PLXNC1: variants seen among roughly 807,000 people sequenced by gnomAD.
PLXNC1 encodes the protein plexin C1, also known as plexin-C1.
Under a neutral mutation model 178.2 loss-of-function variants are expected in PLXNC1, and 75 were observed. That is an observed-to-expected ratio of 0.42 (90% confidence interval 0.35 to 0.51). The LOEUF (loss-of-function observed/expected upper bound fraction) is 0.51, where lower values mean the gene tolerates loss of function less well. PLXNC1 is among the 20% of genes least tolerant of loss of function. The probability of loss-of-function intolerance (pLI) is 0.02; values close to 1 mark genes in which losing one functional copy is unlikely to be tolerated. For synonymous variants in PLXNC1, 790 were observed against 779.9 expected (o/e 1.01, Z -0.22); for missense variants, 1,503 against 1,984.4 (o/e 0.76, Z 4.61).
intron 28 of PLXNC1, among the ~76,000 whole-genome samples, chr12:94,303,518 T>TA (rs1478938614): frequency 6.6e-6 from 1 of 152,124 alleles, no homozygotes; most frequent in East Asian, 1.9e-4. Flanking sequence ...GAAGGCAGAA[T>TA]ATATTAGCAT....
intron 1 of PLXNC1, among the ~76,000 whole-genome samples, chr12:94,167,540 A>G (rs1961662308): frequency 6.6e-6 from 1 of 152,234 alleles, no homozygotes; most frequent in African/African-American, 2.4e-5. Flanking sequence ...TTTTAAAGCA[A>G]GATGTGTGGC....
In PLXNC1 at chr12:94,306,468, C is replaced by CTGATTTTTTAATTCCTG. The variant is rs1222311727; in HGVS notation, c.*1184_*1200dup. 6.6e-6 allele frequency: 1 copy of CTGATTTTTTAATTCCTG among 152,076 alleles called. No homozygotes were observed. The highest frequency in any genetic ancestry group is 1.5e-5 in the Non-Finnish European group (1 of 68,006). The allele number at this position is 152,076 out of a possible 1,614,324, so 9.4% of individuals were successfully genotyped here. A position where few individuals can be genotyped will look rare whatever the true frequency, so the allele number is the denominator to read the frequency against. On this transcript the variant is annotated 3_prime_UTR_variant, in exon 31 of 31. Transcript: ENST00000258526. ...CAGTTATACTGTAGTCTTTTTAGTGCTGATTTTTTAATTCCTGAATTTTTG... is the reference window on the plus strand; with the variant it reads ...CAGTTATACTGTAGTCTTTTTAGTGCTGATTTTTTAATTCCTGTGATTTTTTAATTCCTGAATTTTTG...
chr12:94,295,499 C>A (rs1332801488), intron 24 of PLXNC1, among the ~76,000 whole-genome samples: 1 of 152,128 alleles, frequency 6.6e-6, no homozygotes, highest in African/African-American at 2.4e-5. Context: ...ATAGTAGAAT[C>A]TTAGGTTTGG....
chr12:94,202,735 A>T (rs1963178201), intron 4 of PLXNC1, among the ~76,000 whole-genome samples: 1 of 152,188 alleles, frequency 6.6e-6, no homozygotes, highest in Admixed American at 6.5e-5. Context: ...GCACTATGGA[A>T]TAGATACCAG....
At chr12:94,264,091 G>A (rs1965096909) in intron 20 of PLXNC1, among the ~76,000 whole-genome samples, 1 of 152,094 alleles carries the variant, frequency 6.6e-6, no homozygotes, top group Non-Finnish European at 1.5e-5. Context: ...TGACTTCCCA[G>A]CCACGGTTCT....
rs185619813 is a variant in PLXNC1, at chr12:94,275,486, T to G, written c.3598-3986T>G. ...CCCCATCACAGAGCAGAGGCCCGCG[T>G]GCACTTTCCCAGCCTGGGGGTGGAG... On this transcript the variant is annotated intron_variant, in intron 21 of 30. Coordinates refer to ENST00000258526, the MANE Select transcript of PLXNC1 (RefSeq NM_005761.3). 8.8e-3 allele frequency among the ~76,000 whole-genome samples: 1,341 copies of G among 152,286 alleles called. 19 individuals are homozygous for G. The highest frequency in any genetic ancestry group is 0.031 in the African/African-American group (1,271 of 41,566).
intron 23 of PLXNC1, among the ~76,000 whole-genome samples, chr12:94,290,433 G>A (rs1409140869): frequency 6.6e-6 from 1 of 152,258 alleles, no homozygotes; most frequent in Non-Finnish European, 1.5e-5. Context: ...GAGCAGAGTC[G>A]AAGAGCTCAG....
At chr12:94,188,507 A>T (rs893565343) in intron 4 of PLXNC1, among the ~76,000 whole-genome samples, 96 of 152,004 alleles carry the variant, frequency 6.3e-4, no homozygotes, top group Admixed American at 3.9e-4. Context: ...TATTTTTAGT[A>T]GAGATGGGGT....
chr12:94,258,134 C>T (rs1964906011), intron 17 of PLXNC1, among the ~76,000 whole-genome samples: 1 of 152,054 alleles, frequency 6.6e-6, no homozygotes, highest in African/African-American at 2.4e-5. Context: ...CTCAAAAAAA[C>T]AAAACAAACA....
chr12:94,247,724 C>T (rs1256732249), intron 12 of PLXNC1, among the ~76,000 whole-genome samples, 179 bp from the exon 13 acceptor site: 1 of 152,054 alleles, frequency 6.6e-6, no homozygotes, highest in Non-Finnish European at 1.5e-5. Flanking sequence ...ACGTAGCCCT[C>T]ATTTAATGTA....
At chr12:94,244,048 A>G (rs1592803593) in intron 12 of PLXNC1, 23 bp downstream of exon 12, 1 of 1,351,760 alleles carries the variant, frequency 7.4e-7, no homozygotes, top group Non-Finnish European at 1.1e-6. Flanking sequence ...CTGCTTTGTA[A>G]TAATAGTTGT....
rs141119258 is a variant in PLXNC1 at position 94,192,021 on chromosome 12, G to A, written c.1439+5548G>A. ...GGATTTCCACAAAACTGGCAATCCCGAACCAATGAATGGGTGAGGTTCCAA... is the reference window on the plus strand; with the variant it reads ...GGATTTCCACAAAACTGGCAATCCCAAACCAATGAATGGGTGAGGTTCCAA... On this transcript the variant is annotated intron_variant, in intron 4 of 30. Coordinates refer to ENST00000258526, the MANE Select transcript of PLXNC1 (RefSeq NM_005761.3). Among the ~76,000 whole-genome samples the A allele has an allele frequency of 1.6e-4, 25 of 152,242 alleles. No individual in the cohort carries two copies. The East Asian group carries it at 3.9e-3, about 23-fold the overall frequency.
intron 28 of PLXNC1, among the ~76,000 whole-genome samples, chr12:94,302,389 A>C (rs977420183): frequency 3.4e-5 from 5 of 148,472 alleles, no homozygotes; most frequent in Non-Finnish European, 7.4e-5. Flanking sequence ...TCATTCGACA[A>C]ATATGATTTC....
At chr12:94,200,922 G>T (rs1963096703) in intron 4 of PLXNC1, among the ~76,000 whole-genome samples, 1 of 152,178 alleles carries the variant, frequency 6.6e-6, no homozygotes. Flanking sequence ...CAGTGAACAG[G>T]CCAACCTAGT....
chr12:94,177,483 A>C (rs1406385849), intron 2 of PLXNC1, among the ~76,000 whole-genome samples: 1 of 151,156 alleles, frequency 6.6e-6, no homozygotes, highest in East Asian at 1.9e-4. Flanking sequence ...ATAACTTGTA[A>C]AAAAAGAAAG....
chr12:94,218,931 C>T (rs917660494), intron 5 of PLXNC1, among the ~76,000 whole-genome samples: 4 of 152,144 alleles, frequency 2.6e-5, no homozygotes, highest in East Asian at 1.9e-4. Flanking sequence ...CATCAAGGCA[C>T]GCTGTCTTAA....
Position 94,227,228 on chromosome 12 carries a change from C to A in PLXNC1, c.1973C>A (p.Ala658Asp). ...AACAAGGGGAACAGAACCAACCAGG[C>A]TTTACAGGTCAGACCCTATTTTTGT... ...KENKGNRTNQ[A>D]LQVFYIKSIE... is the part of the protein sequence containing the mutation. The change falls in exon 9 of 31, where the codon GCT (alanine) becomes GAT (aspartate). Residue 658 changes from alanine (A) to aspartate (D), a missense_variant. Ala to Asp is a moderately radical substitution (Grantham distance 126). Around this residue, in one of 4 missense-constraint regions of PLXNC1, gnomAD observed 615 missense variants for 698.6 expected, o/e 0.88. Transcript: ENST00000258526. 6.2e-7 allele frequency: 1 copy of A among 1,603,832 alleles called. No individual in the cohort carries two copies. Among genetic ancestry groups the A allele is most frequent in the Non-Finnish European group, 8.5e-7 (1 of 1,170,722 alleles).
chr12:94,290,974 C>T (rs921963047), intron 23 of PLXNC1, among the ~76,000 whole-genome samples: 87 of 152,222 alleles, frequency 5.7e-4, no homozygotes, highest in African/African-American at 1.9e-3. Context: ...TGAGCCCCTC[C>T]TCCCACAGAG....
At chr12:94,236,739 T>C (rs7965633) in intron 9 of PLXNC1, among the ~76,000 whole-genome samples, 10,003 of 152,258 alleles carry the variant, frequency 0.066, 447 homozygotes, top group African/African-American at 0.13. Flanking sequence ...TCTTATGTCC[T>C]GTTTTGGTCA....
Sources: allele counts gnomAD v4.1 joint callset (sites outside exome capture counted in the v4.1 genomes callset), GRCh38; gene constraint gnomAD v4.1.1; regional missense constraint gnomAD v4.1.1; transcripts MANE v1.5; gene names NCBI Gene and HGNC (gene_info 2026-07-23, HGNC 2026-07-21).